ADGRB3: variants seen among roughly 807,000 people sequenced by gnomAD.
ADGRB3 encodes the protein adhesion G protein-coupled receptor B3.
Under a neutral mutation model 193.4 loss-of-function variants are expected in ADGRB3, and 37 were observed. The ratio of observed to expected loss-of-function variants is 0.19; its 90% CI spans 0.15 to 0.25. The LOEUF is 0.25. Ranked by LOEUF, ADGRB3 falls within the 10% of genes least tolerant of loss-of-function variation. The pLI is 1.00. For synonymous variants in ADGRB3, 690 were observed against 644.2 expected (o/e 1.07, Z -1.08); for missense variants, 1,637 against 1,852.9 (o/e 0.88, Z 2.14).
chr6:69,384,272 G>T (rs544393415), intron 31 of ADGRB3, among the ~76,000 whole-genome samples: 1 of 152,044 alleles, frequency 6.6e-6, no homozygotes, highest in Non-Finnish European at 1.5e-5. Context: ...TGTATTATTT[G>T]TTATCACCAA....
intron 3 of ADGRB3, among the ~76,000 whole-genome samples, chr6:68,658,312 C>CA (rs2127285473): frequency 6.6e-6 from 1 of 151,302 alleles, no homozygotes; most frequent in Non-Finnish European, 1.5e-5. Context: ...GTTAAAAACT[C>CA]AAAAAGAACT....
intron 17 of ADGRB3, among the ~76,000 whole-genome samples, chr6:69,215,325 T>C (rs1197256967): frequency 6.6e-6 from 1 of 152,210 alleles, no homozygotes. Flanking sequence ...GTACTATTTT[T>C]ACATTTTATG....
rs1768820235 is a variant in ADGRB3 at position 68,978,659 on chromosome 6, G to A, written c.1734+3319G>A. ...TCATTCTGTTGCTTTGCTAAGTCAT[G>A]CTTTGTCTAAGTAGCAAAACTGGAT... On this transcript the variant is annotated intron_variant, in intron 10 of 31. Transcript: ENST00000370598. Among the ~76,000 whole-genome samples, 3 of 151,392 alleles carry A rather than the reference G, an allele frequency of 2.0e-5. No homozygotes were observed. In the South Asian group the frequency reaches 6.2e-4, roughly 31 times the overall value.
intron 3 of ADGRB3, among the ~76,000 whole-genome samples, chr6:68,700,839 G>GA (rs1468839711): frequency 4.8e-5 from 5 of 103,946 alleles, no homozygotes; most frequent in Admixed American, 2.8e-4. Flanking sequence ...GGGGAGGGGG[G>GA]AGGGATAGCA....
chr6:69,291,157 A>G (rs1767656870), intron 20 of ADGRB3, among the ~76,000 whole-genome samples: 1 of 152,138 alleles, frequency 6.6e-6, no homozygotes, highest in South Asian at 2.1e-4. Flanking sequence ...TTGCTGAGGA[A>G]TAAAAGTGAG....
chr6:68,906,837 A>G (rs1432905865), intron 3 of ADGRB3, among the ~76,000 whole-genome samples: 1 of 151,956 alleles, frequency 6.6e-6, no homozygotes, highest in Non-Finnish European at 1.5e-5. Flanking sequence ...TTTATTCATA[A>G]TGTTTCTGAT....
chr6:68,708,173 A>G (rs147646146), intron 3 of ADGRB3, among the ~76,000 whole-genome samples: 9 of 152,296 alleles, frequency 5.9e-5, no homozygotes, highest in East Asian at 5.8e-4. Flanking sequence ...GCCAGAGGCA[A>G]TTTTGACTTT....
intron 17 of ADGRB3, among the ~76,000 whole-genome samples, chr6:69,154,502 A>G (rs1486642054): frequency 1.3e-5 from 2 of 151,994 alleles, no homozygotes; most frequent in Non-Finnish European, 2.9e-5. Context: ...AACACACCAC[A>G]CTGATTTGCA....
At chr6:69,135,592 T>G (rs2150335814) in intron 17 of ADGRB3, among the ~76,000 whole-genome samples, 1 of 152,112 alleles carries the variant, frequency 6.6e-6, no homozygotes, top group South Asian at 2.1e-4. Flanking sequence ...TAAGAAAAAT[T>G]TTGTCTCAGC....
chr6:69,185,837 G>A (rs990658785), intron 17 of ADGRB3, among the ~76,000 whole-genome samples: 12 of 152,026 alleles, frequency 7.9e-5, no homozygotes, highest in African/African-American at 2.7e-4. Context: ...TGACAGCTTC[G>A]CATAAGAATC....
chr6:69,340,262 T>C (rs1399975460), intron 26 of ADGRB3, among the ~76,000 whole-genome samples: 1 of 152,192 alleles, frequency 6.6e-6, no homozygotes, highest in African/African-American at 2.4e-5. Context: ...GATTTCAGAC[T>C]TGAGTTGTTT....
chr6:68,977,048 A>C (rs1446265969), intron 10 of ADGRB3, among the ~76,000 whole-genome samples: 1 of 148,836 alleles, frequency 6.7e-6, no homozygotes, highest in Non-Finnish European at 1.5e-5. Context: ...AAATATAAAT[A>C]AGATTTTATA....
At chr6:69,138,150 G>A (rs1185865587) in intron 17 of ADGRB3, among the ~76,000 whole-genome samples, 2 of 152,162 alleles carry the variant, frequency 1.3e-5, no homozygotes, top group East Asian at 3.8e-4. Flanking sequence ...CAAGAAAGAA[G>A]CCTGGAATAT....
intron 25 of ADGRB3, 82 bp from the exon 26 acceptor site, chr6:69,339,251 A>C: frequency 6.7e-7 from 1 of 1,502,006 alleles, no homozygotes; most frequent in African/African-American, 1.4e-5. Flanking sequence ...CCACATACAA[A>C]AATGCTTTGT....
At chr6:69,353,332 CTT>C (rs1769267272) in intron 26 of ADGRB3, among the ~76,000 whole-genome samples, 1 of 152,192 alleles carries the variant, frequency 6.6e-6, no homozygotes, top group African/African-American at 2.4e-5. Context: ...TGCAAAGTGA[CTT>C]TATTGGCAAG....
At chr6:69,355,096 AATAG>A (rs1241946929) in intron 27 of ADGRB3, among the ~76,000 whole-genome samples, 10 of 152,334 alleles carry the variant, frequency 6.6e-5, no homozygotes, top group South Asian at 2.1e-4. Flanking sequence ...ACTAAAAACA[AATAG>A]ATAGCCAAAA....
intron 17 of ADGRB3, among the ~76,000 whole-genome samples, chr6:69,192,164 A>G (rs1304982822): frequency 6.6e-6 from 1 of 152,164 alleles, no homozygotes; most frequent in Non-Finnish European, 1.5e-5. Context: ...GGCTGTCTGC[A>G]AGCTGAGGAG....
At chr6:69,177,322 G>A (rs1043163163) in intron 17 of ADGRB3, among the ~76,000 whole-genome samples, 29 of 151,364 alleles carry the variant, frequency 1.9e-4, no homozygotes, top group Admixed American at 1.8e-3. Flanking sequence ...ATTTTGGTAT[G>A]TTGTGTCTGT....
chr6:69,172,268 T>C (rs1036666726), intron 17 of ADGRB3, among the ~76,000 whole-genome samples: 4 of 152,128 alleles, frequency 2.6e-5, no homozygotes, highest in Admixed American at 2.0e-4. Context: ...TGCCTACCTC[T>C]GGTGGTATAG....
Sources: allele counts gnomAD v4.1 joint callset (sites outside exome capture counted in the v4.1 genomes callset), GRCh38; gene constraint gnomAD v4.1.1; transcripts MANE v1.5; gene names NCBI Gene and HGNC (gene_info 2026-07-23, HGNC 2026-07-21).